The following EML6 variants were observed in gnomAD, a reference collection of about 807,000 sequenced individuals.
EML6 encodes the protein EMAP like 6, also known as echinoderm microtubule-associated protein-like 6.
A neutral mutation model predicts 240.1 loss-of-function variants in EML6; 154 were observed. The observed-to-expected ratio is 0.64, with a 90% CI of 0.56 to 0.73. The LOEUF (loss-of-function observed/expected upper bound fraction) is 0.73, where lower values mean the gene tolerates loss of function less well. EML6 is among the 30% of genes least tolerant of loss of function. The pLI is 0.00. For missense variants in EML6, 2,964 were observed against 2,474.6 expected, an observed-to-expected ratio of 1.20 and a Z score of -4.20; for synonymous variants, 1,148 against 899.0, an observed-to-expected ratio of 1.28 and a Z score of -4.95.
At chr2:54,901,764 G>A (rs1673067908) in intron 22 of EML6, among the ~76,000 whole-genome samples, 1 of 152,226 alleles carries the variant, frequency 6.6e-6, no homozygotes, top group South Asian at 2.1e-4. Flanking sequence ...AAGAGGCTCG[G>A]TATTAAATGC....
intron 36 of EML6, 85 bp downstream of exon 36, chr2:54,962,796 T>TC (rs1676581429): frequency 4.2e-6 from 5 of 1,186,020 alleles, no homozygotes; most frequent in Non-Finnish European, 5.6e-6. Context: ...CCAGCCAGCG[T>TC]CATGGCAGAG....
At chr2:54,928,284 G>T (rs773282499) in intron 26 of EML6, 29 bp from the exon 27 acceptor site, 1 of 1,518,942 alleles carries the variant, frequency 6.6e-7, no homozygotes, top group East Asian at 2.5e-5. Flanking sequence ...AACAGTGGCT[G>T]GGGTAATAAC....
At chr2:54,845,603 T>C (rs1669708958) in intron 8 of EML6, among the ~76,000 whole-genome samples, 1 of 152,200 alleles carries the variant, frequency 6.6e-6, no homozygotes, top group Non-Finnish European at 1.5e-5. Context: ...GATAGTACCA[T>C]TTACTGAGGA....
chr2:54,891,098 A>G lies in EML6; in HGVS notation c.2483A>G (p.His828Arg), dbSNP rs1461525412. The change falls in exon 18 of 42, where the codon CAT becomes CGT. Residue 828 changes from histidine to arginine, a missense_variant. His to Arg is a conservative substitution (Grantham distance 29). Coordinates refer to ENST00000356458, the MANE Select transcript of EML6 (RefSeq NM_001039753.4). ...TTTGTGGTAAAGTGTAACCCACACCATGTTGACAAACTGGTTACAGTTGGG... is the reference window on the plus strand; with the variant it reads ...TTTGTGGTAAAGTGTAACCCACACCGTGTTGACAAACTGGTTACAGTTGGG... ...KIFVVKCNPH[H>R]VDKLVTVGIK... 40 of 1,511,240 alleles carry G rather than the reference A, an allele frequency of 2.6e-5. No individual in the cohort carries two copies. Among genetic ancestry groups the G allele is most frequent in the Non-Finnish European group, 3.3e-5 (37 of 1,116,478 alleles). The allele number at this position is 1,511,240 out of a possible 1,614,324, so 93.6% of individuals were successfully genotyped here. A position where few individuals can be genotyped will look rare whatever the true frequency, so the allele number is the denominator to read the frequency against.
chr2:54,807,947 G>C (rs1013804094), intron 2 of EML6, among the ~76,000 whole-genome samples: 1 of 152,176 alleles, frequency 6.6e-6, no homozygotes, highest in Non-Finnish European at 1.5e-5. Flanking sequence ...ATAGCATACA[G>C]TTATGGCAAG....
At chr2:54,890,005 A>G (rs564100136) in intron 17 of EML6, among the ~76,000 whole-genome samples, 21 of 152,254 alleles carry the variant, frequency 1.4e-4, no homozygotes, top group Non-Finnish European at 2.8e-4. Context: ...ATGACAAAGT[A>G]CAGGGAAATA....
At chr2:54,732,196 G>T (rs898620941) in intron 2 of EML6, among the ~76,000 whole-genome samples, 4 of 149,238 alleles carry the variant, frequency 2.7e-5, no homozygotes, top group African/African-American at 9.9e-5. Flanking sequence ...ACATATTCTG[G>T]GTATGAGTCC....
chr2:54,959,497 C>G (rs543842272), intron 34 of EML6, among the ~76,000 whole-genome samples: 1 of 152,266 alleles, frequency 6.6e-6, no homozygotes, highest in Non-Finnish European at 1.5e-5. Flanking sequence ...CATGGTGGTT[C>G]ACGCCTGTAA....
chr2:54,891,013 C>T, intron 17 of EML6, 41 bp from the exon 18 acceptor site: 2 of 968,078 alleles, frequency 2.1e-6, no homozygotes, highest in Middle Eastern at 2.2e-4. Context: ...GTTACTGCTT[C>T]CATCCAAACT....
At chr2:54,801,585 G>A (rs1215318513) in intron 2 of EML6, among the ~76,000 whole-genome samples, 3 of 152,174 alleles carry the variant, frequency 2.0e-5, no homozygotes, top group Non-Finnish European at 4.4e-5. Flanking sequence ...GGATGAATCC[G>A]TTTCCCCATG....
At chr2:54,868,850 G>A in intron 14 of EML6, 1 of 231,754 alleles carries the variant, frequency 4.3e-6, no homozygotes, top group Non-Finnish European at 8.4e-6. Context: ...GTGGGCGGAA[G>A]GCATTTATGA....
rs2244568 is a variant in EML6 at position 54,823,942 on chromosome 2, A to G, written c.525+3480A>G. ...CTCCTAAATTAAAGATAATTACATT[A>G]AAGAGTATGGAACCCAGTAGGGGCA... On this transcript the variant is annotated intron_variant, in intron 5 of 41. Transcript: ENST00000356458. 7.8e-3 allele frequency among the ~76,000 whole-genome samples: 1,181 copies of G among 150,508 alleles called. 5 individuals are homozygous for G. The highest frequency in any genetic ancestry group is 0.013 in the Non-Finnish European group (892 of 67,738).
chr2:54,858,397 G>A (rs1474627346), intron 11 of EML6, among the ~76,000 whole-genome samples: 1 of 152,214 alleles, frequency 6.6e-6, no homozygotes, highest in Admixed American at 6.5e-5. Context: ...ATTGATCTGT[G>A]AGGAAGGTAT....
At chr2:54,829,207 C>T in intron 6 of EML6, 135 bp from the exon 7 acceptor site, 2 of 701,532 alleles carry the variant, frequency 2.9e-6, no homozygotes, top group Non-Finnish European at 4.4e-6. Flanking sequence ...GGTCTATTGT[C>T]AGCATTTCAA....
At chr2:54,787,828 T>A (rs1669170371) in intron 2 of EML6, among the ~76,000 whole-genome samples, 1 of 152,156 alleles carries the variant, frequency 6.6e-6, no homozygotes, top group Admixed American at 6.5e-5. Context: ...TGTCATAAAT[T>A]TGTTTAATAT....
intron 4 of EML6, among the ~76,000 whole-genome samples, chr2:54,819,812 T>C (rs759389701): frequency 3.8e-4 from 57 of 150,570 alleles, no homozygotes; most frequent in Non-Finnish European, 7.7e-4. Flanking sequence ...GTTGCAGATA[T>C]ATTTTCAGTT....
intron 11 of EML6, 93 bp from the exon 12 acceptor site, chr2:54,859,441 T>C: frequency 1.0e-6 from 1 of 962,780 alleles, no homozygotes; most frequent in Non-Finnish European, 1.6e-6. Flanking sequence ...TATTTAAAGA[T>C]TTTACTCTTC....
chr2:54,842,194 T>C (rs933925174), intron 7 of EML6, among the ~76,000 whole-genome samples: 5 of 152,206 alleles, frequency 3.3e-5, no homozygotes, highest in Non-Finnish European at 7.3e-5. Flanking sequence ...CAGGATAGTT[T>C]CACTGCCCTA....
At chr2:54,787,267 G>A (rs1669141173) in intron 2 of EML6, among the ~76,000 whole-genome samples, 1 of 143,510 alleles carries the variant, frequency 7.0e-6, no homozygotes, top group African/African-American at 2.7e-5. Flanking sequence ...CCCATGGTCT[G>A]AGCCTTGTCA....
Sources: gnomAD v4.1 joint callset for allele counts (sites outside exome capture counted in the v4.1 genomes callset) on GRCh38, gnomAD v4.1.1 for gene constraint, MANE v1.5 for transcripts, NCBI Gene and HGNC (gene_info 2026-07-23, HGNC 2026-07-21) for gene names.